The following DNAH5 variants were observed in gnomAD, a reference collection of about 807,000 sequenced individuals.
DNAH5 encodes the protein dynein axonemal heavy chain 5, also known as axonemal beta dynein heavy chain 5.
In DNAH5, 372 loss-of-function variants were observed where a neutral mutation model predicts 518.2. The ratio of observed to expected loss-of-function variants is 0.72; its 90% CI spans 0.66 to 0.78. The LOEUF is 0.78. DNAH5 is among the 30% of genes least tolerant of loss of function. DNAH5 has a pLI of 0.00. For synonymous variants in DNAH5, 2,039 were observed against 2,025.9 expected (o/e 1.01, Z -0.17); for missense variants, 5,523 against 5,687.0 (o/e 0.97, Z 0.93).
chr5:13,758,168 C>T (rs1223044185), intron 61 of DNAH5, among the ~76,000 whole-genome samples: 2 of 151,994 alleles, frequency 1.3e-5, no homozygotes. Context: ...CCTCTGTGAT[C>T]TCTTTAGGCA....
intron 47 of DNAH5, among the ~76,000 whole-genome samples, chr5:13,801,355 C>T (rs900587996): frequency 2.6e-5 from 4 of 152,216 alleles, no homozygotes; most frequent in African/African-American, 9.6e-5. Context: ...TTTCCTGAGG[C>T]CTCCCCAGCC....
rs1319057846 is a variant in DNAH5 at position 13,944,568 on chromosome 5, T to C, written c.-130A>G. On this transcript the variant is annotated 5_prime_UTR_variant, in exon 1 of 79. Coordinates refer to ENST00000265104, the MANE Select transcript of DNAH5 (RefSeq NM_001369.3). ...TTCCATTTTACTTTCACGTTTCTAA[T>C]TTGCATGTATTATTCACTACATTCA... The C allele has an allele frequency of 1.3e-6, 1 of 763,010 alleles. No homozygotes were observed. Among genetic ancestry groups the C allele is most frequent in the African/African-American group, 1.7e-5 (1 of 58,130 alleles). 47.3% of individuals were successfully genotyped at this position (763,010 alleles called of 1,614,324 possible). A position where few individuals can be genotyped will look rare whatever the true frequency, so the allele number is the denominator to read the frequency against.
At chr5:13,705,583 G>C (rs1742679835) in intron 76 of DNAH5, among the ~76,000 whole-genome samples, 2 of 152,070 alleles carry the variant, frequency 1.3e-5, no homozygotes, top group Admixed American at 1.3e-4. Context: ...CCATGACCTA[G>C]CTACCTCTCC....
intron 71 of DNAH5, among the ~76,000 whole-genome samples, chr5:13,720,125 A>C (rs538729038): frequency 1.4e-5 from 2 of 145,624 alleles, no homozygotes; most frequent in South Asian, 2.2e-4. Flanking sequence ...AAAAAAAAAA[A>C]AACAAGCACT....
At chr5:13,801,604 C>T (rs780644607) in intron 47 of DNAH5, among the ~76,000 whole-genome samples, 4 of 152,144 alleles carry the variant, frequency 2.6e-5, no homozygotes, top group East Asian at 1.9e-4. Context: ...GAAATGACTG[C>T]GACTGTCTCC....
rs922776937 is a variant in DNAH5, at chr5:13,778,592, A to G, written c.8952-1237T>C. Among the ~76,000 whole-genome samples the G allele has an allele frequency of 5.6e-4, 29 of 51,566 alleles. 1 individual carries two copies. The East Asian group carries it at 9.4e-3, about 17-fold the overall frequency. The allele number at this position is 51,566 out of a possible 152,430, so 33.8% of individuals were successfully genotyped here. A position where few individuals can be genotyped will look rare whatever the true frequency, so the allele number is the denominator to read the frequency against. The stretch of plus-strand genomic sequence containing the variant: ...AAAGAAAGAAAGAAAGAAAGAAAGA[A>G]AGAAAGAGAGAGAGAAAGAAAAAGA... On this transcript the variant is annotated intron_variant, in intron 53 of 78. Transcript: ENST00000265104.
intron 9 of DNAH5, among the ~76,000 whole-genome samples, chr5:13,915,436 A>C (rs1011959914): frequency 2.6e-5 from 4 of 152,130 alleles, no homozygotes; most frequent in Non-Finnish European, 5.9e-5. Flanking sequence ...TTTGCAAATA[A>C]TATGCATAAA....
chr5:13,824,231 G>C lies in DNAH5; in HGVS notation c.6547C>G (p.Arg2183Gly). The stretch of plus-strand genomic sequence containing the variant: ...GAAAGATTCATGTCCCGTAGTACAC[G>C]CATGACAATCGTGGACTCCGTATCC... ...PMDTESTIVM[R>G]VLRDMNLSKL... The change falls in exon 39 of 79, where the codon CGT (arginine) becomes GGT (glycine). Residue 2183 changes from arginine to glycine, a missense_variant. By Grantham distance (125) the Arg-to-Gly change is moderately radical (BLOSUM62 -2). This residue lies in a region of DNAH5 where 5,121 missense variants were observed against 5,223.3 expected (regional missense o/e 0.98). Coordinates refer to ENST00000265104, the MANE Select transcript of DNAH5 (RefSeq NM_001369.3). The C allele has an allele frequency of 2.5e-6, 4 of 1,613,966 alleles. No homozygotes were observed. The highest frequency in any genetic ancestry group is 1.7e-6 in the Non-Finnish European group (2 of 1,179,894).
intron 12 of DNAH5, among the ~76,000 whole-genome samples, chr5:13,909,494 C>T (rs1052239679): frequency 1.3e-5 from 2 of 152,000 alleles, no homozygotes; most frequent in African/African-American, 4.8e-5. Context: ...ACCACAGCCT[C>T]CTCTCTGAAG....
chr5:13,745,489 C>T (rs1749209810), intron 65 of DNAH5, among the ~76,000 whole-genome samples: 1 of 152,022 alleles, frequency 6.6e-6, no homozygotes, highest in African/African-American at 2.4e-5. Context: ...AGCAAACAAA[C>T]CTGAAGGTCT....
chr5:13,807,587 G>A lies in DNAH5; in HGVS notation c.7887+4C>T. On this transcript the variant is annotated splice_donor_region_variant and intron_variant, in intron 47 of 78. Transcript: ENST00000265104. Reference sequence around the variant, plus strand: ...CTTACTGAGCCATACCAAAGAGCCAGTACCTGGAACATCAGTGGGGTGGTT... The same window carrying A: ...CTTACTGAGCCATACCAAAGAGCCAATACCTGGAACATCAGTGGGGTGGTT... 1.9e-6 allele frequency: 3 copies of A among 1,613,426 alleles called. No individual in the cohort carries two copies. The highest frequency in any genetic ancestry group is 2.5e-6 in the Non-Finnish European group (3 of 1,179,554).
intron 61 of DNAH5, among the ~76,000 whole-genome samples, chr5:13,754,952 A>T (rs1420434516): frequency 6.6e-6 from 1 of 151,116 alleles, no homozygotes; most frequent in Non-Finnish European, 1.5e-5. Context: ...GACCAGCCTG[A>T]CCAACATGGT....
chr5:13,796,000 C>T (rs572822969), intron 47 of DNAH5, among the ~76,000 whole-genome samples: 39 of 152,272 alleles, frequency 2.6e-4, no homozygotes, highest in African/African-American at 5.3e-4. Flanking sequence ...AATTCAACAG[C>T]TCTTTATGCT....
chr5:14,001,794 T>C (rs1047811332), intron 1 of DNAH5, among the ~76,000 whole-genome samples: 2 of 152,044 alleles, frequency 1.3e-5, no homozygotes, highest in African/African-American at 4.8e-5. Context: ...GCTAAGCACA[T>C]TGTGTAAGGC....
rs1488406349 is a variant in DNAH5 at position 13,930,975 on chromosome 5, G to T, written c.192+135C>A. ...CTCATTCTGCAAGCACCAGTACAGA[G>T]TCAGAATGGAGCCCTGTCCACGTTA... On this transcript the variant is annotated intron_variant, in intron 2 of 78. Transcript: ENST00000265104. The T allele has an allele frequency of 3.8e-6, 5 of 1,317,330 alleles. No individual in the cohort carries two copies. The Middle Eastern group carries it at 5.6e-4, about 147-fold the overall frequency. The allele number at this position is 1,317,330 out of a possible 1,614,324, so 81.6% of individuals were successfully genotyped here. A position where few individuals can be genotyped will look rare whatever the true frequency, so the allele number is the denominator to read the frequency against.
In DNAH5 at chr5:13,859,566, C is replaced by T. The variant is rs34671383; in HGVS notation, c.4836G>A (p.Val1612=). ...MPFKAQIQKW[V]QYLSNSTDII... ...TGTCTGTTGAGTTGGAAAGGTACTG[C>T]ACCCATTTTTGAATCTGGGCTTTGA... The change falls in exon 30 of 79, where the codon GTG becomes GTA. Residue 1612 remains valine, a synonymous_variant. Transcript: ENST00000265104. 2,458 of 1,614,056 alleles carry T rather than the reference C, an allele frequency of 1.5e-3. 40 individuals are homozygous for T. In the African/African-American group the frequency reaches 0.03, roughly 19 times the overall value.
intron 35 of DNAH5, 45 bp from the exon 36 acceptor site, chr5:13,830,820 G>C: frequency 6.3e-7 from 1 of 1,595,632 alleles, no homozygotes; most frequent in African/African-American, 1.3e-5. Flanking sequence ...CAGTCACCTG[G>C]AAATACTTCT....
At chr5:13,693,323 T>A (rs993167551) in intron 78 of DNAH5, among the ~76,000 whole-genome samples, 2 of 152,244 alleles carry the variant, frequency 1.3e-5, no homozygotes, top group African/African-American at 4.8e-5. Flanking sequence ...AAAACTGACA[T>A]GCTCAAAAAT....
chr5:13,850,947 TCA>T (rs1479872989), intron 30 of DNAH5, 132 bp from the exon 31 acceptor site: 1 of 869,252 alleles, frequency 1.2e-6, no homozygotes, highest in Non-Finnish European at 2.0e-6. Flanking sequence ...ATGCCTAATG[TCA>T]CACACATTTT....
Sources: gnomAD v4.1 joint callset for allele counts (sites outside exome capture counted in the v4.1 genomes callset) on GRCh38, gnomAD v4.1.1 for gene constraint, gnomAD v4.1.1 regional missense constraint, MANE v1.5 for transcripts, NCBI Gene and HGNC (gene_info 2026-07-23, HGNC 2026-07-21) for gene names.